Variants in TES observed in about 807,000 individuals in gnomAD.
TES encodes the protein testin.
A neutral mutation model predicts 48.2 loss-of-function variants in TES; 41 were observed. The ratio of observed to expected loss-of-function variants is 0.85; its 90% CI spans 0.66 to 1.10. TES has a LOEUF of 1.10. TES is among the 50% of genes least tolerant of loss of function. TES has a pLI of 0.00. For missense variants in TES, 463 were observed against 515.1 expected, an observed-to-expected ratio of 0.90 and a Z score of 0.98; for synonymous variants, 162 against 174.9, an observed-to-expected ratio of 0.93 and a Z score of 0.58.
intron 1 of TES, among the ~76,000 whole-genome samples, chr7:116,231,720 G>T (rs1482060759): frequency 1.3e-5 from 2 of 152,148 alleles, no homozygotes; most frequent in Non-Finnish European, 2.9e-5. Flanking sequence ...GAAGCCTCCT[G>T]GTAGCAGGTG....
At chr7:116,221,375 T>C (rs899228863) in intron 1 of TES, among the ~76,000 whole-genome samples, 3 of 152,170 alleles carry the variant, frequency 2.0e-5, no homozygotes, top group Non-Finnish European at 4.4e-5. Flanking sequence ...GTTTCCCTGA[T>C]TGGAATCTTC....
intron 1 of TES, among the ~76,000 whole-genome samples, chr7:116,212,449 C>T (rs1271071145): frequency 6.6e-6 from 1 of 152,122 alleles, no homozygotes; most frequent in East Asian, 1.9e-4. Context: ...AACAAATGTA[C>T]TGCACTGATA....
In TES at chr7:116,218,362, C is replaced by G. The variant is rs531664626; in HGVS notation, c.27+7628C>G. ...TGATAAGGAGTCCATTAATGCATCT[C>G]TAGCCACAATGAACTTTTCCCTTGC... On this transcript the variant is annotated intron_variant, in intron 1 of 6. Coordinates refer to ENST00000358204, the MANE Select transcript of TES (RefSeq NM_015641.4). Among the ~76,000 whole-genome samples the G allele has an allele frequency of 1.3e-5, 2 of 152,234 alleles. 1 individual carries two copies. Among genetic ancestry groups the G allele is most frequent in the African/African-American group, 4.8e-5 (2 of 41,556 alleles).
chr7:116,221,049 C>T (rs933861266), intron 1 of TES, among the ~76,000 whole-genome samples: 1 of 151,976 alleles, frequency 6.6e-6, no homozygotes, highest in Non-Finnish European at 1.5e-5. Context: ...TAAATTATTG[C>T]CACTTGGTAC....
chr7:116,249,177 G>A lies in TES; in HGVS notation c.271G>A (p.Val91Ile). The change falls in exon 3 of 7, where the codon GTT (valine) becomes ATT (isoleucine). Residue 91 changes from valine to isoleucine, a missense_variant. Coordinates refer to ENST00000358204, the MANE Select transcript of TES (RefSeq NM_015641.4). The part of the protein sequence containing the change: ...SDGIPMYKRN[V>I]MILTNPVAAK... ...TGGAATTCCCATGTATAAACGCAAT[G>A]TTATGATATTGACGAATCCAGTTGC... is the stretch of plus-strand genomic sequence containing the variant. The A allele has an allele frequency of 6.2e-7, 1 of 1,614,066 alleles. No homozygotes were observed.
intron 1 of TES, among the ~76,000 whole-genome samples, chr7:116,215,351 A>G (rs1799482326): frequency 6.6e-6 from 1 of 152,162 alleles, no homozygotes; most frequent in African/African-American, 2.4e-5. Flanking sequence ...TAAAGGAATT[A>G]TATTTGAGGA....
At chr7:116,218,612 C>G (rs772027116) in intron 1 of TES, among the ~76,000 whole-genome samples, 4 of 152,026 alleles carry the variant, frequency 2.6e-5, no homozygotes, top group Non-Finnish European at 5.9e-5. Flanking sequence ...ATTAAAAGTG[C>G]AGTTTAGATT....
chr7:116,232,792 T>A (rs1799718272), intron 1 of TES, among the ~76,000 whole-genome samples: 1 of 152,226 alleles, frequency 6.6e-6, no homozygotes, highest in African/African-American at 2.4e-5. Flanking sequence ...TTTTGAAAAT[T>A]GGTAATATGG....
intron 1 of TES, among the ~76,000 whole-genome samples, chr7:116,230,428 G>A (rs1799682969): frequency 6.6e-6 from 1 of 152,186 alleles, no homozygotes; most frequent in Non-Finnish European, 1.5e-5. Context: ...AAGAACCCTG[G>A]AACAATACTT....
At chr7:116,248,459 T>G (rs1799957501) in intron 2 of TES, among the ~76,000 whole-genome samples, 1 of 152,234 alleles carries the variant, frequency 6.6e-6, no homozygotes, top group Non-Finnish European at 1.5e-5. Flanking sequence ...TGTTATTTTT[T>G]GACTTTTTAG....
intron 6 of TES, among the ~76,000 whole-genome samples, chr7:116,253,442 G>A (rs1800047874): frequency 6.6e-6 from 1 of 150,970 alleles, no homozygotes; most frequent in South Asian, 2.1e-4. Context: ...TTGTTATTTT[G>A]ACTATTGCAG....
intron 1 of TES, chr7:116,211,005 A>C (rs1483152014): frequency 3.2e-6 from 1 of 312,980 alleles, no homozygotes; most frequent in Non-Finnish European, 5.9e-6. Context: ...ACGGAATCCC[A>C]GTGGTTGTAG....
At chr7:116,238,585 C>CATCATTATT (rs1554437876) in intron 2 of TES, among the ~76,000 whole-genome samples, 5 of 129,364 alleles carry the variant, frequency 3.9e-5, no homozygotes, top group South Asian at 2.8e-4. Context: ...CAACATCCAT[C>CATCATTATT]ATTATTATTA....
Position 116,218,359 on chromosome 7 carries a change from T to C in TES, c.27+7625T>C, listed in dbSNP as rs1799518301. 5.9e-5 allele frequency among the ~76,000 whole-genome samples: 9 copies of C among 152,146 alleles called. No homozygotes were observed. In the South Asian group the frequency reaches 1.9e-3, roughly 32 times the overall value. On this transcript the variant is annotated intron_variant, in intron 1 of 6. Transcript: ENST00000358204. ...CCTTGATAAGGAGTCCATTAATGCA[T>C]CTCTAGCCACAATGAACTTTTCCCT...
At chr7:116,252,584 T>C in intron 6 of TES, 108 bp downstream of exon 6, 1 of 1,534,326 alleles carries the variant, frequency 6.5e-7, no homozygotes. Flanking sequence ...TCCTCCTAAG[T>C]AGAAAGCAAA....
chr7:116,236,239 C>T (rs1476871675), intron 2 of TES, among the ~76,000 whole-genome samples: 3 of 152,268 alleles, frequency 2.0e-5, no homozygotes, highest in African/African-American at 7.2e-5. Context: ...ATAGTTTTTA[C>T]CTTACAATCT....
intron 5 of TES, 25 bp downstream of exon 5, chr7:116,252,000 T>A (rs1322574336): frequency 6.2e-7 from 1 of 1,610,134 alleles, no homozygotes; most frequent in East Asian, 2.2e-5. Context: ...ACCACCGGCA[T>A]GCTGGTGCCC....
chr7:116,251,174 A>AT (rs879634833), intron 4 of TES, among the ~76,000 whole-genome samples: 5 of 152,250 alleles, frequency 3.3e-5, no homozygotes, highest in Non-Finnish European at 7.4e-5. Flanking sequence ...GAAAATTACT[A>AT]TTTTCCTTTT....
intron 1 of TES, among the ~76,000 whole-genome samples, chr7:116,215,619 G>A (rs1799485289): frequency 6.6e-6 from 1 of 152,136 alleles, no homozygotes; most frequent in South Asian, 2.1e-4. Flanking sequence ...TTTGGTGTGA[G>A]CCAATGGTAA....
Sources: gnomAD v4.1 joint callset for allele counts (sites outside exome capture counted in the v4.1 genomes callset) on GRCh38, gnomAD v4.1.1 for gene constraint, MANE v1.5 for transcripts, NCBI Gene and HGNC (gene_info 2026-07-23, HGNC 2026-07-21) for gene names.